BOLL: variants seen among roughly 807,000 people sequenced by gnomAD.
The protein encoded by BOLL is boule RNA binding protein, also known as protein boule-like.
In BOLL, 23 loss-of-function variants were observed where a neutral mutation model predicts 44.4. That is an observed-to-expected ratio of 0.52 (90% CI 0.37 to 0.73). The LOEUF is 0.73. Among genes scored for constraint, BOLL ranks in the 30% least tolerant of loss-of-function variants. BOLL has a pLI of 0.00. For synonymous variants in BOLL, 97 were observed against 110.8 expected (o/e 0.88, Z 0.78); for missense variants, 287 against 338.3 (o/e 0.85, Z 1.19).
intron 10 of BOLL, among the ~76,000 whole-genome samples, chr2:197,735,175 C>T (rs1168311819): frequency 6.6e-6 from 1 of 151,908 alleles, no homozygotes; most frequent in Non-Finnish European, 1.5e-5. Flanking sequence ...TCTTTAGAAG[C>T]TTTTGGAATT....
chr2:197,772,987 C>T (rs1454980049), intron 5 of BOLL, among the ~76,000 whole-genome samples: 2 of 151,822 alleles, frequency 1.3e-5, no homozygotes, highest in Non-Finnish European at 2.9e-5. Flanking sequence ...ATGACACTGT[C>T]TGCAAACCAC....
intron 9 of BOLL, 125 bp from the exon 10 acceptor site, chr2:197,743,284 T>C: frequency 1.8e-6 from 1 of 546,472 alleles, no homozygotes; most frequent in Non-Finnish European, 3.0e-6. Context: ...CACATGCCCT[T>C]ATGTTTAATT....
chr2:197,760,893 T>C (rs1688725943), intron 7 of BOLL, among the ~76,000 whole-genome samples: 1 of 152,130 alleles, frequency 6.6e-6, no homozygotes, highest in Non-Finnish European at 1.5e-5. Context: ...TAACAGCAGA[T>C]TTCTTAGCAG....
chr2:197,738,389 T>C (rs1239612567), intron 10 of BOLL, among the ~76,000 whole-genome samples: 2 of 152,144 alleles, frequency 1.3e-5, no homozygotes, highest in Non-Finnish European at 2.9e-5. Context: ...TAAAACTTGA[T>C]TCTGTATAAG....
At chr2:197,740,385 A>G (rs1687675883) in intron 10 of BOLL, among the ~76,000 whole-genome samples, 1 of 152,176 alleles carries the variant, frequency 6.6e-6, no homozygotes, top group Admixed American at 6.6e-5. Context: ...GTGGCTCTTT[A>G]CTGCAGATAA....
chr2:197,750,157 T>C (rs1308562784), intron 9 of BOLL, among the ~76,000 whole-genome samples: 1 of 152,078 alleles, frequency 6.6e-6, no homozygotes, highest in Non-Finnish European at 1.5e-5. Context: ...GTACTAAATA[T>C]GGAAAGGAAA....
chr2:197,728,114 G>C lies in BOLL; in HGVS notation c.*441C>G, dbSNP rs1686928418. 2 of 187,588 alleles carry C rather than the reference G, an allele frequency of 1.1e-5. No individual in the cohort carries two copies. The highest frequency in any genetic ancestry group is 5.9e-5 in the Admixed American group (1 of 16,988). 11.6% of individuals were successfully genotyped at this position (187,588 alleles called of 1,614,324 possible). ...GTATACTGTTGTAAAATATATGAAA[G>C]TATTAAAAGTATTATAATTAAAAAT... is the stretch of plus-strand genomic sequence containing the variant. On this transcript the variant is annotated 3_prime_UTR_variant, in exon 11 of 11. Transcript: ENST00000392296.
At chr2:197,775,396 T>C (rs1268782474) in intron 5 of BOLL, among the ~76,000 whole-genome samples, 1 of 151,920 alleles carries the variant, frequency 6.6e-6, no homozygotes, top group Admixed American at 6.6e-5. Flanking sequence ...TTAAATGATA[T>C]TTTCATCACG....
At chr2:197,751,992 C>T (rs1688281760) in intron 9 of BOLL, among the ~76,000 whole-genome samples, 1 of 152,136 alleles carries the variant, frequency 6.6e-6, no homozygotes, top group Admixed American at 6.6e-5. Flanking sequence ...AAGGCTGGTT[C>T]AACATATGCA....
At chr2:197,744,539 G>A (rs1301544860) in intron 9 of BOLL, among the ~76,000 whole-genome samples, 1 of 152,184 alleles carries the variant, frequency 6.6e-6, no homozygotes, top group Non-Finnish European at 1.5e-5. Context: ...CAGCAGAAAG[G>A]TAATGAAGTA....
chr2:197,757,448 G>C (rs1559405577), intron 7 of BOLL, 48 bp from the exon 8 acceptor site: 3 of 1,533,922 alleles, frequency 2.0e-6, no homozygotes, highest in South Asian at 2.4e-5. Context: ...TTATAAACAA[G>C]GGTTAAAACT....
At chr2:197,730,952 C>A (rs945025543) in intron 10 of BOLL, among the ~76,000 whole-genome samples, 2 of 151,550 alleles carry the variant, frequency 1.3e-5, no homozygotes. Flanking sequence ...GGATCAAATT[C>A]ACACATAACA....
chr2:197,765,095 T>TC (rs1478685734), intron 7 of BOLL, among the ~76,000 whole-genome samples: 2 of 151,972 alleles, frequency 1.3e-5, no homozygotes, highest in Non-Finnish European at 2.9e-5. Flanking sequence ...AAACCAAACA[T>TC]CCTATGTTCT....
chr2:197,733,547 C>G (rs1274103874), intron 10 of BOLL, among the ~76,000 whole-genome samples: 10 of 146,794 alleles, frequency 6.8e-5, no homozygotes, highest in Admixed American at 2.1e-4. Context: ...CATCACGCTA[C>G]CTGACTTCAA....
chr2:197,777,840 A>G (rs1217584931), intron 3 of BOLL, among the ~76,000 whole-genome samples: 2 of 151,954 alleles, frequency 1.3e-5, no homozygotes, highest in Admixed American at 1.3e-4. Context: ...TCTTCTGAGT[A>G]ATGCTAAATA....
rs937254733 is a variant in BOLL, at chr2:197,771,062, G to A, written c.480+793C>T. Among the ~76,000 whole-genome samples the A allele has an allele frequency of 2.0e-4, 31 of 152,056 alleles. 1 individual carries two copies. Among genetic ancestry groups the A allele is most frequent in the African/African-American group, 6.5e-4 (27 of 41,482 alleles). ...AAACATGTAAACGTATGTTTACTGC[G>A]GCACTATTCACAATAGCAAAGACTT... On this transcript the variant is annotated intron_variant, in intron 6 of 10. Transcript: ENST00000392296.
At chr2:197,760,189 C>T (rs1006322378) in intron 7 of BOLL, among the ~76,000 whole-genome samples, 5 of 152,116 alleles carry the variant, frequency 3.3e-5, no homozygotes, top group African/African-American at 9.7e-5. Flanking sequence ...GTTTCCAGGC[C>T]GGGTGATCCA....
chr2:197,732,088 G>T (rs1167542362), intron 10 of BOLL, among the ~76,000 whole-genome samples: 1 of 150,712 alleles, frequency 6.6e-6, no homozygotes, highest in African/African-American at 2.5e-5. Context: ...AAAAAAGAGA[G>T]AAGAATCAAA....
intron 9 of BOLL, among the ~76,000 whole-genome samples, chr2:197,749,112 C>A (rs1212046783): frequency 6.6e-6 from 1 of 152,210 alleles, no homozygotes; most frequent in Non-Finnish European, 1.5e-5. Context: ...GGGTGGATCT[C>A]CAGCAAACTC....
Sources: allele counts gnomAD v4.1 joint callset (sites outside exome capture counted in the v4.1 genomes callset), GRCh38; gene constraint gnomAD v4.1.1; transcripts MANE v1.5; gene names NCBI Gene and HGNC (gene_info 2026-07-23, HGNC 2026-07-21).